The following CSMD3 variants were observed in gnomAD, a reference collection of about 807,000 sequenced individuals.
CSMD3 encodes CUB and Sushi multiple domains 3.
Under a neutral mutation model 435.2 loss-of-function variants are expected in CSMD3, and 177 were observed. That is an observed-to-expected ratio of 0.41 (90% CI 0.36 to 0.46). CSMD3 has a LOEUF of 0.46. Ranked by LOEUF, CSMD3 falls within the 20% of genes least tolerant of loss-of-function variation. The pLI, the probability that CSMD3 is intolerant of heterozygous loss-of-function variation, is 0.34. For synonymous variants in CSMD3, 1,656 were observed against 1,520.5 expected (o/e 1.09, Z -2.07); for missense variants, 4,265 against 4,504.6 (o/e 0.95, Z 1.52).
chr8:113,096,738 G>C (rs1281032199), intron 5 of CSMD3, among the ~76,000 whole-genome samples: 1 of 151,760 alleles, frequency 6.6e-6, no homozygotes, highest in African/African-American at 2.4e-5. Context: ...GGCTTCTTAG[G>C]TGTTTCTACA....
At chr8:112,513,339 C>T (rs1186261511) in intron 28 of CSMD3, among the ~76,000 whole-genome samples, 2 of 152,108 alleles carry the variant, frequency 1.3e-5, no homozygotes, top group Non-Finnish European at 1.5e-5. Flanking sequence ...CACTTGAATG[C>T]TCAGAGGCCA....
intron 20 of CSMD3, among the ~76,000 whole-genome samples, chr8:112,641,744 G>A (rs1454549494): frequency 1.3e-5 from 2 of 152,022 alleles, no homozygotes; most frequent in Non-Finnish European, 2.9e-5. Context: ...AGGCTGAGGT[G>A]GGAGGGTCAC....
chr8:112,829,595 G>C (rs2079802256), intron 12 of CSMD3, 91 bp downstream of exon 12: 2 of 755,630 alleles, frequency 2.6e-6, no homozygotes, highest in Non-Finnish European at 4.8e-6. Flanking sequence ...GCTGGTAGTA[G>C]TGGGAGCGAT....
At chr8:112,411,595 A>C (rs532932621) in intron 32 of CSMD3, among the ~76,000 whole-genome samples, 9 of 152,088 alleles carry the variant, frequency 5.9e-5, no homozygotes, top group Non-Finnish European at 7.4e-5. Flanking sequence ...AATGAAGAAC[A>C]CTAACATAGT....
At chr8:112,521,746 T>TTTAACTCAAGGAA (rs568545564) in intron 27 of CSMD3, among the ~76,000 whole-genome samples, 1 of 151,918 alleles carries the variant, frequency 6.6e-6, no homozygotes, top group South Asian at 2.1e-4. Flanking sequence ...TACTTAGATA[T>TTTAACTCAAGGAA]CTGGTAGGTT....
At chr8:112,241,916 T>C (rs1003795943) in intron 65 of CSMD3, 131 bp from the exon 66 acceptor site, 9 of 742,712 alleles carry the variant, frequency 1.2e-5, no homozygotes, top group Non-Finnish European at 2.0e-5. Context: ...TTCACATAGA[T>C]AGTTTTCTCT....
intron 32 of CSMD3, among the ~76,000 whole-genome samples, chr8:112,467,183 G>T (rs955369360): frequency 2.6e-5 from 4 of 152,202 alleles, no homozygotes; most frequent in Non-Finnish European, 4.4e-5. Context: ...TTTGAAACAT[G>T]CAACCAAGAG....
At chr8:112,443,925 A>G (rs1377597456) in intron 32 of CSMD3, among the ~76,000 whole-genome samples, 1 of 152,160 alleles carries the variant, frequency 6.6e-6, no homozygotes, top group Non-Finnish European at 1.5e-5. Flanking sequence ...TTTAATCCTC[A>G]TAACAGCCCT....
chr8:112,406,393 A>G, intron 35 of CSMD3, 131 bp downstream of exon 35: 1 of 525,140 alleles, frequency 1.9e-6, no homozygotes, highest in Non-Finnish European at 3.3e-6. Context: ...ATATTTATAT[A>G]AAGCATACTT....
chr8:113,303,857 G>A (rs1443972864), intron 2 of CSMD3, among the ~76,000 whole-genome samples: 1 of 139,738 alleles, frequency 7.2e-6, no homozygotes, highest in Non-Finnish European at 1.5e-5. Flanking sequence ...CATGGGCAAG[G>A]ACTTCATGTC....
chr8:113,379,408 C>T (rs1428892726), intron 1 of CSMD3, among the ~76,000 whole-genome samples: 1 of 152,056 alleles, frequency 6.6e-6, no homozygotes, highest in African/African-American at 2.4e-5. Context: ...GGCATATAAC[C>T]ATTGCAAATT....
Position 112,636,937 on chromosome 8 carries a change from C to T in CSMD3, c.3595G>A (p.Gly1199Arg), listed in dbSNP as rs759366451. The T allele has an allele frequency of 6.2e-7, 1 of 1,613,566 alleles. No homozygotes were observed. Among genetic ancestry groups the T allele is most frequent in the South Asian group, 1.1e-5 (1 of 91,062 alleles). Reference protein sequence around the residue: ...QYGSRIGFNFGIGDTLTFSCS... With the variant: ...QYGSRIGFNFRIGDTLTFSCS... Reference sequence around the variant, plus strand: ...GAGAAGGTCAGAGTGTCACCAATCCCAAAGTTGAACCCGATTCGACTACCA... The same window carrying T: ...GAGAAGGTCAGAGTGTCACCAATCCTAAAGTTGAACCCGATTCGACTACCA... The change falls in exon 22 of 71, where the codon GGG (glycine) becomes AGG (arginine). Residue 1199 changes from glycine to arginine, a missense_variant. By Grantham distance (125) the Gly-to-Arg change is moderately radical. Coordinates refer to ENST00000297405, the MANE Select transcript of CSMD3 (RefSeq NM_198123.2).
intron 1 of CSMD3, among the ~76,000 whole-genome samples, chr8:113,358,848 T>C (rs926692043): frequency 2.6e-5 from 4 of 152,076 alleles, no homozygotes; most frequent in African/African-American, 7.2e-5. Context: ...ATAAGAGTAG[T>C]AGCTCTGGAT....
intron 9 of CSMD3, among the ~76,000 whole-genome samples, chr8:112,932,433 A>G (rs1162156155): frequency 6.6e-6 from 1 of 152,180 alleles, no homozygotes; most frequent in Admixed American, 6.5e-5. Flanking sequence ...TTTTTAGTAG[A>G]GATGGGGTTT....
intron 1 of CSMD3, among the ~76,000 whole-genome samples, chr8:113,399,219 A>G (rs1282437166): frequency 6.6e-6 from 1 of 150,708 alleles, no homozygotes; most frequent in African/African-American, 2.4e-5. Flanking sequence ...ATTATTCCCC[A>G]TGTTTATTGC....
intron 10 of CSMD3, among the ~76,000 whole-genome samples, chr8:112,869,886 G>T (rs904250213): frequency 6.6e-6 from 1 of 152,070 alleles, no homozygotes; most frequent in Admixed American, 6.6e-5. Context: ...CTGTTGGGGT[G>T]GGGGACAAGG....
At chr8:113,174,210 G>GGATA (rs1399744004) in intron 3 of CSMD3, among the ~76,000 whole-genome samples, 2 of 151,986 alleles carry the variant, frequency 1.3e-5, no homozygotes, top group Non-Finnish European at 2.9e-5. Flanking sequence ...GTAAAACTGA[G>GGATA]GATAATATCA....
chr8:113,296,195 T>C (rs576422030), intron 2 of CSMD3, among the ~76,000 whole-genome samples: 1 of 151,776 alleles, frequency 6.6e-6, no homozygotes, highest in Admixed American at 6.6e-5. Flanking sequence ...ATACCTAATG[T>C]AAATGACGAG....
chr8:112,691,909 T>C (rs985364542), intron 13 of CSMD3, among the ~76,000 whole-genome samples: 3 of 152,074 alleles, frequency 2.0e-5, no homozygotes, highest in Admixed American at 6.6e-5. Flanking sequence ...CAAGAGATTC[T>C]CCTGCCTCAG....
Sources: allele counts gnomAD v4.1 joint callset (sites outside exome capture counted in the v4.1 genomes callset), GRCh38; gene constraint gnomAD v4.1.1; transcripts MANE v1.5; gene names NCBI Gene and HGNC (gene_info 2026-07-23, HGNC 2026-07-21).